MTCL1: variants seen among roughly 807,000 people sequenced by gnomAD.
The protein encoded by MTCL1 is microtubule crosslinking factor 1.
Under a neutral mutation model 141.4 loss-of-function variants are expected in MTCL1, and 79 were observed. That is an observed-to-expected ratio of 0.56 (90% CI 0.47 to 0.67). The LOEUF (loss-of-function observed/expected upper bound fraction) is 0.67. Among genes scored for constraint, MTCL1 ranks in the 30% least tolerant of loss-of-function variants. MTCL1 has a pLI of 0.00. For synonymous variants in MTCL1, 914 were observed against 875.8 expected, an observed-to-expected ratio of 1.04 and a Z score of -0.77; for missense variants, 2,177 against 2,113.9, an observed-to-expected ratio of 1.03 and a Z score of -0.59.
rs374393768 is a variant in MTCL1, at chr18:8,726,472, G to GGAGAGAGA, written c.357+5992_357+5999dup. ...AGAGAGCATGAGGGTGAGAATAAGAGGAGAGAGAGAGAGAGAGAGAGAGCG... is the reference window on the plus strand; with the variant it reads ...AGAGAGCATGAGGGTGAGAATAAGAGGAGAGAGAGAGAGAGAGAGAGAGAGAGAGAGCG... On this transcript the variant is annotated intron_variant, in intron 4 of 16. Transcript: ENST00000359865. Among the ~76,000 whole-genome samples, 436 of 131,606 alleles carry GGAGAGAGA rather than the reference G, an allele frequency of 3.3e-3. 3 individuals are homozygous for GGAGAGAGA. The highest frequency in any genetic ancestry group is 0.012 in the African/African-American group (408 of 34,336). The allele number at this position is 131,606 out of a possible 152,430, so 86.3% of individuals were successfully genotyped here. A position where few individuals can be genotyped will look rare whatever the true frequency, so the allele number is the denominator to read the frequency against.
At chr18:8,784,082 G>C in exon 6 of MTCL1, 1 of 1,613,362 alleles carries the variant, frequency 6.2e-7, no homozygotes, top group Middle Eastern at 1.7e-4. Context: ...AGGAGAGGGT[G>C]CAAGTCCTGG....
chr18:8,796,282 C>T (rs1258898774), exon 9 of MTCL1: 9 of 1,614,066 alleles, frequency 5.6e-6, no homozygotes, highest in African/African-American at 1.3e-5. Context: ...TGGAAATGCA[C>T]AGCCTGGCTT....
chr18:8,825,099 C>T lies in MTCL1; in HGVS notation c.3589C>T (p.Pro1197Ser), dbSNP rs1292737245. 6.8e-6 allele frequency: 11 copies of T among 1,605,924 alleles called. No homozygotes were observed. The Middle Eastern group carries it at 5.0e-4, about 72-fold the overall frequency. ...GGGGTTGCGCGTGTTACACAGCCCG[C>T]CTGCCGTGCGCAGGGTCGACAGCAT... is the stretch of plus-strand genomic sequence containing the variant. The change falls in exon 15 of 17, where the codon CCT (proline) becomes TCT (serine). Residue 1197 changes from proline to serine, a missense_variant. Pro to Ser is a moderately conservative substitution (Grantham distance 74, BLOSUM62 -1). Transcript: ENST00000359865.
chr18:8,784,566 G>A lies in MTCL1; in HGVS notation c.1454G>A (p.Arg485Gln), dbSNP rs563230567. ...AGCTTCCTCCATGATGCGGGGCTGC[G>A]GGGTGGTGCGCCCTTACCGGGGCCT... The change falls in exon 6 of 17, where the codon CGG (arginine) becomes CAG (glutamine). Residue 485 changes from arginine (R) to glutamine (Q), a missense_variant. Physicochemically the swap from Arg to Gln is conservative, Grantham distance 43. Coordinates refer to ENST00000359865, the Ensembl canonical transcript of MTCL1. 1.1e-5 allele frequency: 17 copies of A among 1,609,308 alleles called. No individual in the cohort carries two copies. In the East Asian group the frequency reaches 1.3e-4, roughly 13 times the overall value.
chr18:8,819,137 A>C lies in MTCL1; in HGVS notation c.3034A>C (p.Lys1012Gln), dbSNP rs1362191961. Residue 1012 changes from lysine (K) to glutamine (Q), a missense_variant, in exon 13 of 17, where the codon AAG becomes CAG. By Grantham distance (53) the Lys-to-Gln change is moderately conservative. Transcript: ENST00000359865. ...TGAAGACCGGCCGCTGTCCAAGCTG[A>C]AGGAGTCGGACAGGTGCTCGGCCAG... 2.5e-6 allele frequency: 4 copies of C among 1,614,124 alleles called. No individual in the cohort carries two copies. The African/African-American group carries it at 5.3e-5, about 22-fold the overall frequency.
intron 8 of MTCL1, among the ~76,000 whole-genome samples, chr18:8,794,096 G>T (rs545761190): frequency 3.9e-5 from 6 of 152,152 alleles, no homozygotes; most frequent in Admixed American, 3.9e-4. Flanking sequence ...GTTTCATTTA[G>T]GGGTCAAGTT....
chr18:8,785,520 C>T (rs1227173849), intron 6 of MTCL1, among the ~76,000 whole-genome samples: 4 of 152,242 alleles, frequency 2.6e-5, no homozygotes, highest in Non-Finnish European at 5.9e-5. Context: ...CAGCTGCCGC[C>T]CTGGACTGTG....
At chr18:8,738,842 G>A (rs556303151) in intron 4 of MTCL1, among the ~76,000 whole-genome samples, 9 of 152,274 alleles carry the variant, frequency 5.9e-5, no homozygotes, top group African/African-American at 2.2e-4. Context: ...AAAACCTTGG[G>A]CAGCCAGTGC....
rs1197353491 is a variant in MTCL1, at chr18:8,828,974, T to C, written c.*18+10T>C. On this transcript the variant is annotated intron_variant, in intron 16 of 16. Transcript: ENST00000359865. This position sits in a 1 kb window ranked among gnomAD's most constrained non-coding sequence, Gnocchi z 5.2. ...CTGCCCGCCTCACGCTGTAAGTGCT[T>C]CCTTCCTTGTTTCCCAACTGTCTGG... 1 of 1,614,204 alleles carries C rather than the reference T, an allele frequency of 6.2e-7. No homozygotes were observed. Among genetic ancestry groups the C allele is most frequent in the East Asian group, 2.2e-5 (1 of 44,888 alleles).
chr18:8,830,810 T>C lies in MTCL1; in HGVS notation c.*19-797T>C, dbSNP rs1269293928. 3 of 985,352 alleles carry C rather than the reference T, an allele frequency of 3.0e-6. No individual in the cohort carries two copies. 61.0% of individuals were successfully genotyped at this position (985,352 alleles called of 1,614,324 possible). A position where few individuals can be genotyped will look rare whatever the true frequency, so the allele number is the denominator to read the frequency against. On this transcript the variant is annotated intron_variant, in intron 16 of 16. Coordinates refer to ENST00000359865, the Ensembl canonical transcript of MTCL1. The surrounding 1 kb of genome is among the most constrained non-coding windows in gnomAD (Gnocchi z 6.4). Reference sequence around the variant, plus strand: ...ATTTGGGTGTCCTGGTTTTGTAACATGTAAGGACAAGGAGCTCAACATTCT... The same window carrying C: ...ATTTGGGTGTCCTGGTTTTGTAACACGTAAGGACAAGGAGCTCAACATTCT...
chr18:8,793,207 G>T, intron 8 of MTCL1, 87 bp downstream of exon 7: 1 of 1,558,134 alleles, frequency 6.4e-7, no homozygotes, highest in Non-Finnish European at 8.7e-7. Flanking sequence ...TTCAAAGAAG[G>T]CTGTCTGTTG....
chr18:8,728,294 C>T (rs1366917183), intron 4 of MTCL1, among the ~76,000 whole-genome samples: 1 of 152,086 alleles, frequency 6.6e-6, no homozygotes, highest in East Asian at 1.9e-4. Context: ...TTAATACATC[C>T]TTCAGCAGTT....
chr18:8,718,211 T>C (rs531211112), intron 2 of MTCL1, among the ~76,000 whole-genome samples: 1 of 152,326 alleles, frequency 6.6e-6, no homozygotes, highest in South Asian at 2.1e-4. Context: ...TTTTAGCTTC[T>C]GGTTACATAA....
intron 4 of MTCL1, among the ~76,000 whole-genome samples, chr18:8,772,898 A>C (rs1056013580): frequency 2.6e-5 from 4 of 152,060 alleles, no homozygotes; most frequent in African/African-American, 9.7e-5. Context: ...CATAGCTTTT[A>C]GGGATGCTAA....
At chr18:8,730,886 T>G (rs1235434891) in intron 4 of MTCL1, among the ~76,000 whole-genome samples, 1 of 152,334 alleles carries the variant, frequency 6.6e-6, no homozygotes, top group South Asian at 2.1e-4. Context: ...TTTCAGCATT[T>G]TACCTACACG....
In MTCL1 at chr18:8,719,227, G is replaced by T. The variant is rs1471725068; in HGVS notation, c.198+579G>T. Among the ~76,000 whole-genome samples the T allele has an allele frequency of 2.0e-5, 3 of 152,174 alleles. No homozygotes were observed. The East Asian group carries it at 5.8e-4, about 29-fold the overall frequency. The stretch of plus-strand genomic sequence containing the variant: ...CCATTTTCTCTCCGTGGGCAGCGAG[G>T]CCCTCATGACCTGATTATCAAATCA... On this transcript the variant is annotated intron_variant, in intron 3 of 16. Transcript: ENST00000359865.
intron 14 of MTCL1, among the ~76,000 whole-genome samples, chr18:8,824,085 C>T (rs990004412): frequency 2.0e-5 from 3 of 152,236 alleles, no homozygotes; most frequent in Non-Finnish European, 4.4e-5. Flanking sequence ...CCAGCAGGCA[C>T]AGGCAGCCCC....
chr18:8,822,466 CTT>C lies in MTCL1; in HGVS notation c.3188+971_3188+972del, dbSNP rs533447279. On this transcript the variant is annotated intron_variant, in intron 14 of 16. Transcript: ENST00000359865. The surrounding 1 kb of genome is among the most constrained non-coding windows in gnomAD (Gnocchi z 4.6). ...CCCACCATACCCGGCTAATTTTTGTCTTTTAATAGAAACAGAGTTTCGCCATG... is the reference window on the plus strand; with the variant it reads ...CCCACCATACCCGGCTAATTTTTGTCTTAATAGAAACAGAGTTTCGCCATG... 4.2e-4 allele frequency among the ~76,000 whole-genome samples: 64 copies of C among 152,274 alleles called. No individual in the cohort carries two copies. In the East Asian group the frequency reaches 0.01, roughly 24 times the overall value.
intron 4 of MTCL1, among the ~76,000 whole-genome samples, chr18:8,734,462 C>T (rs114835709): frequency 6.6e-6 from 1 of 152,176 alleles, no homozygotes; most frequent in African/African-American, 2.4e-5. Flanking sequence ...AAGTCTCCAG[C>T]TTGGCTCATT....
Sources: allele counts gnomAD v4.1 joint callset (sites outside exome capture counted in the v4.1 genomes callset), GRCh38; gene constraint gnomAD v4.1.1; non-coding constraint Gnocchi (gnomAD v3.1); transcripts MANE v1.5; gene names NCBI Gene and HGNC (gene_info 2026-07-23, HGNC 2026-07-21).